The following FPR3 variants were observed in gnomAD, a reference collection of about 807,000 sequenced individuals.
FPR3 encodes the protein N-formyl peptide receptor 3.
For missense variants in FPR3, 346 were observed against 443.2 expected (o/e 0.78, Z 1.97); for synonymous variants, 135 against 163.6 (o/e 0.83, Z 1.34).
chr19:51,811,954 T>G (rs1397210139), intron 1 of FPR3, among the ~76,000 whole-genome samples: 8 of 152,188 alleles, frequency 5.3e-5, no homozygotes, highest in African/African-American at 1.9e-4. Flanking sequence ...TCCCACTAAA[T>G]GTACTCACTT....
intron 1 of FPR3, among the ~76,000 whole-genome samples, chr19:51,823,400 C>CT (rs990123223): frequency 8.5e-5 from 13 of 152,166 alleles, no homozygotes; most frequent in African/African-American, 3.1e-4. Flanking sequence ...CCTTCTGACT[C>CT]TGAGTCTTGT....
rs2084229851 is a variant in FPR3, at chr19:51,826,004, A to T, written c.*1194A>T. On this transcript the variant is annotated 3_prime_UTR_variant, in exon 2 of 2. Transcript: ENST00000339223. ...ACTGTTGAAGGTTTCTTCTATTCTTATTTGTTAAGAGTTTTCTTTTATTGT... is the reference window on the plus strand; with the variant it reads ...ACTGTTGAAGGTTTCTTCTATTCTTTTTTGTTAAGAGTTTTCTTTTATTGT... 1 of 166,430 alleles carries T rather than the reference A, an allele frequency of 6.0e-6. No homozygotes were observed. Among genetic ancestry groups the T allele is most frequent in the Admixed American group, 6.5e-5 (1 of 15,270 alleles). The allele number at this position is 166,430 out of a possible 1,614,324, so 10.3% of individuals were successfully genotyped here. A position where few individuals can be genotyped will look rare whatever the true frequency, so the allele number is the denominator to read the frequency against.
At position 51,824,231 on chromosome 19, in the gene FPR3, C is replaced by T. The variant is rs755235128; in HGVS notation, c.483C>T (p.Phe161=). The T allele has an allele frequency of 2.1e-5, 34 of 1,614,044 alleles. No homozygotes were observed. Among genetic ancestry groups the T allele is most frequent in the Non-Finnish European group, 2.7e-5 (32 of 1,180,016 alleles). The change falls in exon 2 of 2, where the codon TTC becomes TTT. Residue 161 remains phenylalanine, a synonymous_variant. Transcript: ENST00000339223. The surrounding 1 kb of genome is among the most constrained non-coding windows in gnomAD (Gnocchi z 4.7). ...CCATAGTCCTTACCTTACCAAATTTCATCTTCTGGACTACAATAAGTACTA... is the reference window on the plus strand; with the variant it reads ...CCATAGTCCTTACCTTACCAAATTTTATCTTCTGGACTACAATAAGTACTA... The part of the protein sequence containing the change: ...IFTIVLTLPN[F]IFWTTISTTN...
chr19:51,808,434 G>A (rs1254669336), intron 1 of FPR3, among the ~76,000 whole-genome samples: 1 of 152,168 alleles, frequency 6.6e-6, no homozygotes, highest in Non-Finnish European at 1.5e-5. Flanking sequence ...ATCTGTAGGA[G>A]CAGCCAAAAG....
chr19:51,824,436 A>G lies in FPR3; in HGVS notation c.688A>G (p.Arg230Gly). 6.2e-7 allele frequency: 1 copy of G among 1,614,096 alleles called. No individual in the cohort carries two copies. Among genetic ancestry groups the G allele is most frequent in the Non-Finnish European group, 8.5e-7 (1 of 1,180,008 alleles). The change falls in exon 2 of 2, where the codon AGA (arginine) becomes GGA (glycine). Residue 230 changes from arginine to glycine, a missense_variant. Coordinates refer to ENST00000339223, the MANE Select transcript of FPR3 (RefSeq NM_002030.5). The surrounding 1 kb of genome is among the most constrained non-coding windows in gnomAD (Gnocchi z 4.7). ...TGGGATCATCGCTGCCAAAATTCAC[A>G]GAAACCACATGATTAAATCCAGCCG... Reference protein sequence around the residue: ...CYGIIAAKIHRNHMIKSSRPL... With the variant: ...CYGIIAAKIHGNHMIKSSRPL...
At chr19:51,813,352 C>A (rs1379398908) in intron 1 of FPR3, among the ~76,000 whole-genome samples, 2 of 152,050 alleles carry the variant, frequency 1.3e-5, no homozygotes, top group East Asian at 3.9e-4. Context: ...GCAGAACAAT[C>A]ATAATTGAAA....
At chr19:51,808,274 A>C (rs62108948) in intron 1 of FPR3, among the ~76,000 whole-genome samples, 17,809 of 152,246 alleles carry the variant, frequency 0.12, 1,316 homozygotes, top group South Asian at 0.29. Flanking sequence ...CTTTATGGAG[A>C]ACTACTTTCT....
intron 1 of FPR3, among the ~76,000 whole-genome samples, chr19:51,819,215 C>A (rs543565142): frequency 6.6e-6 from 1 of 152,070 alleles, no homozygotes; most frequent in Non-Finnish European, 1.5e-5. Context: ...TTAGTTTGGG[C>A]AATGTTGGGT....
chr19:51,823,685 T>C, intron 1 of FPR3, 54 bp from the exon 2 acceptor site: 1 of 1,332,534 alleles, frequency 7.5e-7, no homozygotes, highest in African/African-American at 1.5e-5. Context: ...AATGAATAGT[T>C]GTATTGTAAG....
intron 1 of FPR3, among the ~76,000 whole-genome samples, chr19:51,811,022 C>G (rs953737613): frequency 6.7e-4 from 102 of 152,274 alleles, no homozygotes; most frequent in African/African-American, 2.4e-3. Context: ...AATTTTTATC[C>G]TCCCTCTCCT....
chr19:51,805,146 G>A (rs747507623), intron 1 of FPR3: 6 of 152,206 alleles, frequency 3.9e-5, no homozygotes, highest in African/African-American at 7.2e-5. Context: ...CACGTCCCAT[G>A]GGCCTTCGGC....
intron 1 of FPR3, among the ~76,000 whole-genome samples, chr19:51,802,315 C>T (rs2084030444): frequency 6.6e-6 from 1 of 152,116 alleles, no homozygotes; most frequent in Non-Finnish European, 1.5e-5. Context: ...ACCAACACTG[C>T]TTCACCTCCT....
intron 1 of FPR3, among the ~76,000 whole-genome samples, chr19:51,795,754 C>A (rs538360444): frequency 6.6e-6 from 1 of 152,018 alleles, no homozygotes; most frequent in Admixed American, 6.6e-5. Context: ...ACCTCGTGAT[C>A]TGCCCACCTC....
intron 1 of FPR3, chr19:51,803,700 A>T (rs1339988433): frequency 3.3e-5 from 5 of 152,160 alleles, no homozygotes; most frequent in Non-Finnish European, 7.3e-5. Flanking sequence ...AGGAGCCACG[A>T]AGGACAGCGT....
intron 1 of FPR3, among the ~76,000 whole-genome samples, chr19:51,822,339 CCCG>C (rs1440480799): frequency 6.6e-6 from 1 of 152,088 alleles, no homozygotes; most frequent in Non-Finnish European, 1.5e-5. Context: ...TCAAGATATG[CCCG>C]CAAAGATGGA....
At chr19:51,816,223 A>T (rs2084135967) in intron 1 of FPR3, among the ~76,000 whole-genome samples, 1 of 152,162 alleles carries the variant, frequency 6.6e-6, no homozygotes, top group Admixed American at 6.5e-5. Context: ...CTATGCATCT[A>T]TTTTGACTGT....
At chr19:51,818,299 A>G (rs2084158919) in intron 1 of FPR3, among the ~76,000 whole-genome samples, 1 of 152,220 alleles carries the variant, frequency 6.6e-6, no homozygotes. Flanking sequence ...AAGAAAATAT[A>G]TTATTGGTGT....
At chr19:51,795,595 C>T (rs1191638624) in intron 1 of FPR3, among the ~76,000 whole-genome samples, 1 of 141,626 alleles carries the variant, frequency 7.1e-6, no homozygotes, top group East Asian at 2.2e-4. Flanking sequence ...CCCACTGCAA[C>T]CTCTGCCTCC....
At chr19:51,797,405 A>G (rs2084006461) in intron 1 of FPR3, among the ~76,000 whole-genome samples, 1 of 152,312 alleles carries the variant, frequency 6.6e-6, no homozygotes, top group East Asian at 1.9e-4. Flanking sequence ...ATATGCTTCA[A>G]AGGAGGTTTC....
Sources: gnomAD v4.1 joint callset for allele counts (sites outside exome capture counted in the v4.1 genomes callset) on GRCh38, gnomAD v4.1.1 for gene constraint, Gnocchi (gnomAD v3.1) non-coding constraint, MANE v1.5 for transcripts, NCBI Gene and HGNC (gene_info 2026-07-23, HGNC 2026-07-21) for gene names.